Variants in ADCY8 observed in about 807,000 individuals in gnomAD.
ADCY8 encodes the protein adenylate cyclase type 8.
Under a neutral mutation model 119.7 loss-of-function variants are expected in ADCY8, and 51 were observed. The ratio of observed to expected loss-of-function variants is 0.43; its 90% CI spans 0.34 to 0.54. ADCY8 has a LOEUF of 0.54. Ranked by LOEUF, ADCY8 falls within the 20% of genes least tolerant of loss-of-function variation. The pLI is 0.03. For synonymous variants in ADCY8, 665 were observed against 651.0 expected, an observed-to-expected ratio of 1.02 and a Z score of -0.33; for missense variants, 1,383 against 1,598.8, an observed-to-expected ratio of 0.87 and a Z score of 2.30.
chr8:130,951,498 T>C (rs1311484231), intron 3 of ADCY8, among the ~76,000 whole-genome samples: 2 of 152,188 alleles, frequency 1.3e-5, no homozygotes, highest in Non-Finnish European at 2.9e-5. Flanking sequence ...AACACACTTA[T>C]GAGTAATATA....
At chr8:130,892,525 G>A (rs1819224074) in intron 7 of ADCY8, 1 of 152,066 alleles carries the variant, frequency 6.6e-6, no homozygotes, top group African/African-American at 2.4e-5. Flanking sequence ...CCTCACTCTT[G>A]GCCTTTCAAC....
At chr8:131,012,167 CA>C (rs146086700) in intron 1 of ADCY8, among the ~76,000 whole-genome samples, 3,702 of 152,244 alleles carry the variant, frequency 0.024, 44 homozygotes, top group East Asian at 0.056. Context: ...CCATGACTTT[CA>C]CCTGAGCATG....
At chr8:130,842,835 G>T (rs1817187519) in intron 11 of ADCY8, among the ~76,000 whole-genome samples, 1 of 141,068 alleles carries the variant, frequency 7.1e-6, no homozygotes, top group South Asian at 2.2e-4. Flanking sequence ...TTGCACCACT[G>T]CATTTCAGCC....
rs1821439276 is a variant in ADCY8 at position 130,956,729 on chromosome 8, AG to A, written c.1111-4732del. On this transcript the variant is annotated intron_variant, in intron 2 of 17. Coordinates refer to ENST00000286355, the MANE Select transcript of ADCY8 (RefSeq NM_001115.3). ...ACCTGGTGGGAGATAATTGAATCAC[AG>A]GGGTAGTTTCTTCCTTACTGTTCTC... Among the ~76,000 whole-genome samples the A allele has an allele frequency of 2.0e-5, 3 of 152,178 alleles. No homozygotes were observed. In the South Asian group the frequency reaches 6.2e-4, roughly 31 times the overall value.
At chr8:130,903,204 T>C (rs1041943125) in intron 7 of ADCY8, among the ~76,000 whole-genome samples, 1 of 152,158 alleles carries the variant, frequency 6.6e-6, no homozygotes, top group Non-Finnish European at 1.5e-5. Flanking sequence ...CTGTCCTTCA[T>C]AGAAGATGCA....
At chr8:130,927,835 CT>C (rs1475320780) in intron 5 of ADCY8, among the ~76,000 whole-genome samples, 1 of 152,120 alleles carries the variant, frequency 6.6e-6, no homozygotes, top group African/African-American at 2.4e-5. Context: ...CCTCCAGTAC[CT>C]ATATTGAATA....
At position 131,020,869 on chromosome 8, in the gene ADCY8, C is replaced by T. The variant is rs150383212; in HGVS notation, c.960+18505G>A. ...GGGAAATAGTCCCACTAGTCTTCTCCAGCAATAATTGTTGCCTGGTATTTA... is the reference window on the plus strand; with the variant it reads ...GGGAAATAGTCCCACTAGTCTTCTCTAGCAATAATTGTTGCCTGGTATTTA... On this transcript the variant is annotated intron_variant, in intron 1 of 17. Transcript: ENST00000286355. 2.5e-3 allele frequency among the ~76,000 whole-genome samples: 375 copies of T among 152,242 alleles called. 7 individuals are homozygous for T. The highest frequency in any genetic ancestry group is 1.2e-3 in the Non-Finnish European group (83 of 68,018).
At chr8:130,943,546 C>A (rs1821024337) in intron 3 of ADCY8, 84 bp from the exon 4 acceptor site, 3 of 795,890 alleles carry the variant, frequency 3.8e-6, no homozygotes, top group East Asian at 2.7e-5. Flanking sequence ...CAACACCATC[C>A]CAGCAGATAA....
chr8:130,916,975 G>A (rs1820149545), intron 5 of ADCY8, among the ~76,000 whole-genome samples: 1 of 152,176 alleles, frequency 6.6e-6, no homozygotes. Context: ...GACCGAGCTG[G>A]TCTTGGCACC....
intron 3 of ADCY8, among the ~76,000 whole-genome samples, chr8:130,950,111 AC>A (rs1256742647): frequency 3.3e-5 from 5 of 152,218 alleles, no homozygotes; most frequent in Admixed American, 6.5e-5. Context: ...TATCCTGCTG[AC>A]ATTAGGAGGA....
chr8:130,798,428 G>A (rs921493012), intron 15 of ADCY8, among the ~76,000 whole-genome samples: 3 of 152,200 alleles, frequency 2.0e-5, no homozygotes, highest in African/African-American at 7.2e-5. Flanking sequence ...AGGATGGCAT[G>A]GCCTCCAGGC....
intron 8 of ADCY8, among the ~76,000 whole-genome samples, chr8:130,883,163 A>G (rs1818843541): frequency 6.6e-6 from 1 of 152,198 alleles, no homozygotes; most frequent in Non-Finnish European, 1.5e-5. Context: ...TTAGTGAAGC[A>G]AGTACATCTT....
chr8:130,949,809 T>G (rs1016299978), intron 3 of ADCY8: 2 of 152,202 alleles, frequency 1.3e-5, no homozygotes, highest in African/African-American at 4.8e-5. Context: ...ATTAATAGGT[T>G]CCTATTGTCT....
chr8:130,782,882 C>G (rs1400365277), intron 17 of ADCY8, among the ~76,000 whole-genome samples: 1 of 152,192 alleles, frequency 6.6e-6, no homozygotes, highest in African/African-American at 2.4e-5. Context: ...AAGATGTCTA[C>G]AGTGTGAGGA....
intron 7 of ADCY8, among the ~76,000 whole-genome samples, chr8:130,889,898 A>G (rs1257051208): frequency 6.6e-6 from 1 of 152,106 alleles, no homozygotes. Context: ...AAAAACAAAT[A>G]AGACATCACC....
intron 3 of ADCY8, among the ~76,000 whole-genome samples, chr8:130,949,173 G>A (rs1821199493): frequency 6.6e-6 from 1 of 152,090 alleles, no homozygotes; most frequent in South Asian, 2.1e-4. Context: ...AGGGGTGGGG[G>A]CAGAAGAAAC....
chr8:131,019,823 C>G (rs1563770519), intron 1 of ADCY8, among the ~76,000 whole-genome samples: 12 of 126,400 alleles, frequency 9.5e-5, no homozygotes, highest in African/African-American at 2.6e-4. Context: ...CTCTCTCTCT[C>G]TCTCTCTCTC....
At chr8:130,813,176 T>A (rs1380870055) in intron 14 of ADCY8, among the ~76,000 whole-genome samples, 1 of 152,194 alleles carries the variant, frequency 6.6e-6, no homozygotes, top group East Asian at 1.9e-4. Context: ...CTTCAACTCC[T>A]GACCTCATGG....
At chr8:130,905,160 T>A (rs2130535523) in intron 6 of ADCY8, among the ~76,000 whole-genome samples, 1 of 152,334 alleles carries the variant, frequency 6.6e-6, no homozygotes, top group Middle Eastern at 3.4e-3. Flanking sequence ...ACATATACAC[T>A]ATAAAAGCAA....
Sources: gnomAD v4.1 joint callset for allele counts (sites outside exome capture counted in the v4.1 genomes callset) on GRCh38, gnomAD v4.1.1 for gene constraint, MANE v1.5 for transcripts, NCBI Gene and HGNC (gene_info 2026-07-23, HGNC 2026-07-21) for gene names.